PTPRD: variants seen among roughly 807,000 people sequenced by gnomAD.
PTPRD encodes receptor-type tyrosine-protein phosphatase delta.
Under a neutral mutation model 214.5 loss-of-function variants are expected in PTPRD, and 34 were observed. The ratio of observed to expected loss-of-function variants is 0.16; its 90% CI spans 0.12 to 0.21. The LOEUF is 0.21. Among genes scored for constraint, PTPRD ranks in the 10% least tolerant of loss-of-function variants. PTPRD has a pLI of 1.00. For synonymous variants in PTPRD, 1,128 were observed against 845.7 expected (o/e 1.33, Z -5.79); for missense variants, 2,545 against 2,398.7 (o/e 1.06, Z -1.27).
chr9:9,067,335 GA>G (rs2099736316), intron 10 of PTPRD, among the ~76,000 whole-genome samples: 3 of 152,178 alleles, frequency 2.0e-5, no homozygotes, highest in Admixed American at 2.0e-4. Flanking sequence ...CTAAGTTTTT[GA>G]AACATTAATG....
intron 8 of PTPRD, among the ~76,000 whole-genome samples, chr9:9,494,995 T>C (rs1207528963): frequency 6.6e-6 from 1 of 151,946 alleles, no homozygotes; most frequent in Non-Finnish European, 1.5e-5. Context: ...AAAAGAGAGC[T>C]CAGAAATAAA....
intron 9 of PTPRD, among the ~76,000 whole-genome samples, chr9:9,324,795 G>A (rs538237680): frequency 8.0e-4 from 122 of 152,220 alleles, no homozygotes; most frequent in Admixed American, 7.6e-3. Flanking sequence ...GTATTGCCTA[G>A]GTTTTCCTCT....
At chr9:9,886,403 A>C (rs7873669) in intron 5 of PTPRD, among the ~76,000 whole-genome samples, 31,235 of 152,006 alleles carry the variant, frequency 0.21, 4,200 homozygotes, top group African/African-American at 0.38. Flanking sequence ...TATAAAGGAT[A>C]TTAGACCTTG....
At chr9:8,362,626 T>A (rs771500414) in intron 39 of PTPRD, among the ~76,000 whole-genome samples, 104 of 152,322 alleles carry the variant, frequency 6.8e-4, no homozygotes, top group Middle Eastern at 3.4e-3. Context: ...AAATTTGGAC[T>A]GAAGTTGTTT....
intron 8 of PTPRD, among the ~76,000 whole-genome samples, chr9:9,548,678 A>T (rs1363815014): frequency 6.6e-6 from 1 of 152,076 alleles, no homozygotes; most frequent in Non-Finnish European, 1.5e-5. Context: ...TATGATAAAA[A>T]ACGATGTATT....
chr9:8,437,379 C>CCACAATGTA, intron 34 of PTPRD: 1 of 635,222 alleles, frequency 1.6e-6, no homozygotes, highest in Non-Finnish European at 2.6e-6. Context: ...TACATTGTGG[C>CCACAATGTA]TAGTACAATG....
intron 12 of PTPRD, among the ~76,000 whole-genome samples, chr9:8,642,315 G>A (rs918281581): frequency 3.3e-5 from 5 of 152,166 alleles, no homozygotes; most frequent in East Asian, 1.9e-4. Flanking sequence ...AGCATGTAAC[G>A]AATTGGCTTT....
At chr9:9,555,990 T>C (rs1296882700) in intron 8 of PTPRD, among the ~76,000 whole-genome samples, 1 of 152,118 alleles carries the variant, frequency 6.6e-6, no homozygotes, top group Non-Finnish European at 1.5e-5. Context: ...CCTTAGATTG[T>C]ACAGTTGACC....
chr9:9,717,980 T>C (rs1440276700), intron 7 of PTPRD, among the ~76,000 whole-genome samples: 1 of 152,172 alleles, frequency 6.6e-6, no homozygotes, highest in Non-Finnish European at 1.5e-5. Flanking sequence ...ATTCAAATCA[T>C]CCTCAGCTTT....
At chr9:9,897,765 A>G (rs2075384055) in intron 5 of PTPRD, among the ~76,000 whole-genome samples, 1 of 152,096 alleles carries the variant, frequency 6.6e-6, no homozygotes, top group Non-Finnish European at 1.5e-5. Context: ...TGAGCATTTT[A>G]TTTTAAACTT....
intron 11 of PTPRD, among the ~76,000 whole-genome samples, chr9:8,946,597 C>T (rs1219046377): frequency 1.3e-5 from 2 of 152,146 alleles, no homozygotes; most frequent in Non-Finnish European, 2.9e-5. Context: ...CTTCTATCCC[C>T]AAGGAAGTGG....
At chr9:8,916,152 G>C (rs1001554594) in intron 11 of PTPRD, among the ~76,000 whole-genome samples, 8 of 152,128 alleles carry the variant, frequency 5.3e-5, no homozygotes, top group African/African-American at 1.4e-4. Flanking sequence ...TGGATATACA[G>C]TCTGGGACTC....
chr9:10,010,862 A>G (rs532089104), intron 4 of PTPRD, among the ~76,000 whole-genome samples: 2 of 151,958 alleles, frequency 1.3e-5, no homozygotes, highest in Non-Finnish European at 2.9e-5. Context: ...CTTTGCATTC[A>G]AACCAAGGCA....
At chr9:8,647,839 T>G (rs1011423859) in intron 12 of PTPRD, among the ~76,000 whole-genome samples, 4 of 152,008 alleles carry the variant, frequency 2.6e-5, no homozygotes, top group Non-Finnish European at 5.9e-5. Context: ...AATAATGAAT[T>G]GCAAACATTT....
chr9:8,638,388 G>C (rs1414820711), intron 12 of PTPRD, among the ~76,000 whole-genome samples: 1 of 152,068 alleles, frequency 6.6e-6, no homozygotes, highest in African/African-American at 2.4e-5. Context: ...AGTCAAGGAA[G>C]CCGGATTCCT....
chr9:10,539,571 C>A (rs1224407726), intron 2 of PTPRD, among the ~76,000 whole-genome samples: 5 of 152,226 alleles, frequency 3.3e-5, no homozygotes, highest in African/African-American at 1.2e-4. Context: ...TTTCACCCTT[C>A]TGCCCCACAC....
intron 9 of PTPRD, among the ~76,000 whole-genome samples, chr9:9,369,926 C>A (rs12376249): frequency 3.4e-4 from 52 of 151,822 alleles, no homozygotes; most frequent in African/African-American, 1.2e-3. Context: ...GTTGTAGATA[C>A]GCGGCATTAT....
chr9:9,267,982 C>T (rs1940870714), intron 9 of PTPRD, among the ~76,000 whole-genome samples: 1 of 150,972 alleles, frequency 6.6e-6, no homozygotes, highest in Non-Finnish European at 1.5e-5. Flanking sequence ...CAAGGATGTC[C>T]ACTCTCGCCA....
chr9:8,804,571 C>G (rs898976330), intron 11 of PTPRD, among the ~76,000 whole-genome samples: 1 of 152,016 alleles, frequency 6.6e-6, no homozygotes, highest in Non-Finnish European at 1.5e-5. Flanking sequence ...CACTGCAGTC[C>G]CGTGTGACAG....
Sources: gnomAD v4.1 joint callset for allele counts (sites outside exome capture counted in the v4.1 genomes callset) on GRCh38, gnomAD v4.1.1 for gene constraint, MANE v1.5 for transcripts, NCBI Gene and HGNC (gene_info 2026-07-23, HGNC 2026-07-21) for gene names.